The following IQCM variants were observed in gnomAD, a reference collection of about 807,000 sequenced individuals.
IQCM encodes the protein IQ motif containing M, also known as IQ domain-containing protein M.
A neutral mutation model predicts 57.6 loss-of-function variants in IQCM; 45 were observed. The ratio of observed to expected loss-of-function variants is 0.78; its 90% CI spans 0.62 to 1.00. The LOEUF (loss-of-function observed/expected upper bound fraction) is 1.00. Among genes scored for constraint, IQCM ranks in the 50% least tolerant of loss-of-function variants. The probability of loss-of-function intolerance (pLI) is 0.00; values close to 1 mark genes in which losing one functional copy is unlikely to be tolerated. For synonymous variants in IQCM, 148 were observed against 158.9 expected (o/e 0.93, Z 0.51); for missense variants, 468 against 511.6 (o/e 0.91, Z 0.82).
At chr4:149,814,732 T>A (rs1774896405) in intron 2 of IQCM, among the ~76,000 whole-genome samples, 1 of 151,934 alleles carries the variant, frequency 6.6e-6, no homozygotes, top group African/African-American at 2.4e-5. Context: ...CTTTGACCTA[T>A]CTCTTGGATC....
intron 12 of IQCM, among the ~76,000 whole-genome samples, chr4:149,496,152 G>A (rs952642993): frequency 6.6e-6 from 1 of 152,076 alleles, no homozygotes; most frequent in African/African-American, 2.4e-5. Flanking sequence ...GAGTAGGAGA[G>A]TATGGGGGTG....
chr4:149,481,714 T>TTTTTTTTTTTGTTTTTTTTTG (rs1740893494), intron 12 of IQCM, among the ~76,000 whole-genome samples: 1 of 39,048 alleles, frequency 2.6e-5, no homozygotes, highest in African/African-American at 7.8e-5. Context: ...TTTTTTTTTT[T>TTTTTTTTTTTGTTTTTTTTTG]TTTTTTTTGC....
At chr4:149,530,650 C>A (rs1746636667) in intron 12 of IQCM, among the ~76,000 whole-genome samples, 1 of 151,872 alleles carries the variant, frequency 6.6e-6, no homozygotes, top group Non-Finnish European at 1.5e-5. Flanking sequence ...TGATAGTTAC[C>A]ACTAGGGGCC....
At position 149,618,643 on chromosome 4, in the gene IQCM, GA is replaced by G. The variant is rs374492875; in HGVS notation, c.681+2485del. Among the ~76,000 whole-genome samples the G allele has an allele frequency of 4.4e-3, 660 of 149,922 alleles. 3 individuals carry two copies. The highest frequency in any genetic ancestry group is 7.3e-3 in the African/African-American group (301 of 40,960). ...CAGAATCTATTAGAAATGCAAACAA[GA>G]AAAAAAAATCCCATTAAAAAGTGGG... On this transcript the variant is annotated intron_variant, in intron 8 of 13. Coordinates refer to ENST00000636793, the MANE Select transcript of IQCM (RefSeq NM_001363507.2).
rs2089069 is a variant in IQCM, at chr4:149,543,798, A to G, written c.1228+4657T>C. 8.1e-3 allele frequency among the ~76,000 whole-genome samples: 1,231 copies of G among 152,296 alleles called. 15 individuals are homozygous for G. The highest frequency in any genetic ancestry group is 0.028 in the African/African-American group (1,172 of 41,570). On this transcript the variant is annotated intron_variant, in intron 12 of 13. Coordinates refer to ENST00000636793, the MANE Select transcript of IQCM (RefSeq NM_001363507.2). Reference sequence around the variant, plus strand: ...TTTCTTCAAAATTTTATGTATTTCTATATTTTCCAAATTTTCTATAATAAA... The same window carrying G: ...TTTCTTCAAAATTTTATGTATTTCTGTATTTTCCAAATTTTCTATAATAAA...
chr4:149,601,133 T>G (rs1005152679), intron 8 of IQCM, among the ~76,000 whole-genome samples: 1 of 152,154 alleles, frequency 6.6e-6, no homozygotes, highest in Non-Finnish European at 1.5e-5. Flanking sequence ...TTTAAAACAG[T>G]GTTTCTCAAA....
intron 12 of IQCM, among the ~76,000 whole-genome samples, chr4:149,537,845 A>C (rs2149869391): frequency 6.6e-6 from 1 of 151,976 alleles, no homozygotes; most frequent in South Asian, 2.1e-4. Context: ...AAAAATTGGC[A>C]ACCAAGAATT....
At chr4:149,402,000 G>A (rs1044218629) in intron 13 of IQCM, among the ~76,000 whole-genome samples, 4 of 151,718 alleles carry the variant, frequency 2.6e-5, no homozygotes, top group South Asian at 2.1e-4. Flanking sequence ...GTTGATACAC[G>A]GATATAAGTT....
At chr4:149,522,507 T>G (rs1200027730) in intron 12 of IQCM, among the ~76,000 whole-genome samples, 3 of 152,140 alleles carry the variant, frequency 2.0e-5, no homozygotes, top group Non-Finnish European at 4.4e-5. Context: ...ACAAATATGA[T>G]TTTCTACTTT....
intron 2 of IQCM, among the ~76,000 whole-genome samples, chr4:149,777,163 T>C (rs1202176153): frequency 6.6e-6 from 1 of 152,214 alleles, no homozygotes; most frequent in East Asian, 1.9e-4. Flanking sequence ...CTAAAATCTT[T>C]CCTTTCAGGA....
At chr4:149,394,083 T>A (rs1732053332) in intron 13 of IQCM, among the ~76,000 whole-genome samples, 1 of 152,028 alleles carries the variant, frequency 6.6e-6, no homozygotes, top group Non-Finnish European at 1.5e-5. Context: ...GCATGTCCAA[T>A]GCCATACTTA....
At chr4:149,666,701 A>T (rs1392490078) in intron 7 of IQCM, among the ~76,000 whole-genome samples, 1 of 152,192 alleles carries the variant, frequency 6.6e-6, no homozygotes, top group Non-Finnish European at 1.5e-5. Context: ...CTGTCAGCAC[A>T]GCACGCTGAA....
chr4:149,612,783 G>A (rs1425356187), intron 8 of IQCM, among the ~76,000 whole-genome samples: 1 of 151,924 alleles, frequency 6.6e-6, no homozygotes, highest in Non-Finnish European at 1.5e-5. Context: ...CATAGGAAAA[G>A]AAATATTCAT....
At chr4:149,431,838 A>C (rs563392393) in intron 13 of IQCM, among the ~76,000 whole-genome samples, 8 of 151,840 alleles carry the variant, frequency 5.3e-5, no homozygotes, top group Non-Finnish European at 1.2e-4. Flanking sequence ...GCTGAACCAA[A>C]TTTTTATGGA....
chr4:149,669,130 C>G (rs1158198636), intron 7 of IQCM, among the ~76,000 whole-genome samples: 1 of 152,188 alleles, frequency 6.6e-6, no homozygotes, highest in Non-Finnish European at 1.5e-5. Flanking sequence ...CACATCCTCT[C>G]CAGCACCTGT....
intron 7 of IQCM, among the ~76,000 whole-genome samples, chr4:149,679,443 G>A (rs1337823157): frequency 6.6e-6 from 1 of 151,482 alleles, no homozygotes; most frequent in African/African-American, 2.4e-5. Context: ...AAGACCTAGT[G>A]TTAGATAGAT....
At chr4:149,387,871 T>A (rs1345660105) in intron 13 of IQCM, among the ~76,000 whole-genome samples, 1 of 151,720 alleles carries the variant, frequency 6.6e-6, no homozygotes, top group Non-Finnish European at 1.5e-5. Context: ...CTTAAGCAAC[T>A]GATAATCTGA....
chr4:149,572,698 T>C (rs1751278437), intron 9 of IQCM, among the ~76,000 whole-genome samples: 1 of 152,008 alleles, frequency 6.6e-6, no homozygotes, highest in Non-Finnish European at 1.5e-5. Context: ...CAAATACATT[T>C]TTTGTTGTGA....
intron 12 of IQCM, among the ~76,000 whole-genome samples, chr4:149,504,597 C>T (rs923057510): frequency 6.6e-6 from 1 of 151,994 alleles, no homozygotes; most frequent in Non-Finnish European, 1.5e-5. Context: ...AGAACTCTCA[C>T]GAATGAGATT....
Sources: allele counts gnomAD v4.1 joint callset (sites outside exome capture counted in the v4.1 genomes callset), GRCh38; gene constraint gnomAD v4.1.1; transcripts MANE v1.5; gene names NCBI Gene and HGNC (gene_info 2026-07-23, HGNC 2026-07-21).